The following PTPRD variants were observed in gnomAD, a reference collection of about 807,000 sequenced individuals.
The protein encoded by PTPRD is protein tyrosine phosphatase receptor type D.
PTPRD carries 34 observed loss-of-function variants against 214.5 expected under a neutral mutation model. The observed-to-expected ratio is 0.16, with a 90% CI of 0.12 to 0.21. The LOEUF is 0.21. Among genes scored for constraint, PTPRD ranks in the 10% least tolerant of loss-of-function variants. The pLI, the probability that PTPRD is intolerant of heterozygous loss-of-function variation, is 1.00. For missense variants in PTPRD, 2,545 were observed against 2,398.7 expected, an observed-to-expected ratio of 1.06 and a Z score of -1.27; for synonymous variants, 1,128 against 845.7, an observed-to-expected ratio of 1.33 and a Z score of -5.79.
intron 4 of PTPRD, among the ~76,000 whole-genome samples, chr9:9,961,685 A>C (rs568718644): frequency 6.6e-6 from 1 of 152,296 alleles, no homozygotes; most frequent in Non-Finnish European, 1.5e-5. Flanking sequence ...CACTGAGTGC[A>C]ATTCCATGCC....
chr9:9,922,572 C>T (rs2082868055), intron 5 of PTPRD, among the ~76,000 whole-genome samples: 1 of 151,908 alleles, frequency 6.6e-6, no homozygotes, highest in East Asian at 1.9e-4. Flanking sequence ...GAGATAATGT[C>T]TATAATCAAA....
chr9:9,192,224 T>TA (rs372013080), intron 9 of PTPRD, among the ~76,000 whole-genome samples: 123 of 148,168 alleles, frequency 8.3e-4, no homozygotes, highest in Middle Eastern at 7.0e-3. Flanking sequence ...ATAGCAAAGA[T>TA]AAAAAAAAAG....
At position 9,947,414 on chromosome 9, in the gene PTPRD, TTA is replaced by T. The variant is rs560527848; in HGVS notation, c.-471-8806_-471-8805del. Among the ~76,000 whole-genome samples, 20 of 39,852 alleles carry T rather than the reference TTA, an allele frequency of 5.0e-4. No homozygotes were observed. In the East Asian group the frequency reaches 0.025, roughly 50 times the overall value. The allele number at this position is 39,852 out of a possible 152,430, so 26.1% of individuals were successfully genotyped here. A position where few individuals can be genotyped will look rare whatever the true frequency, so the allele number is the denominator to read the frequency against. Reference sequence around the variant, plus strand: ...ATACATATTATATATAATATATATTTTATATATATATTATATATATATTATAT... The same window carrying T: ...ATACATATTATATATAATATATATTTTATATATATTATATATATATTATAT... On this transcript the variant is annotated intron_variant, in intron 4 of 45. Coordinates refer to ENST00000381196, the MANE Select transcript of PTPRD (RefSeq NM_002839.4).
intron 7 of PTPRD, among the ~76,000 whole-genome samples, chr9:9,601,134 TG>T (rs2093720124): frequency 8.2e-6 from 1 of 121,344 alleles, no homozygotes; most frequent in African/African-American, 3.8e-5. Context: ...TGTGTGTGTG[TG>T]TGTGTGTGTG....
At chr9:9,978,187 A>G (rs569953957) in intron 4 of PTPRD, among the ~76,000 whole-genome samples, 2 of 152,160 alleles carry the variant, frequency 1.3e-5, no homozygotes, top group African/African-American at 4.8e-5. Flanking sequence ...CCAACAAAAA[A>G]GAGTGAAAAG....
intron 2 of PTPRD, among the ~76,000 whole-genome samples, chr9:10,445,524 A>G (rs144220464): frequency 6.6e-6 from 1 of 152,284 alleles, no homozygotes; most frequent in East Asian, 1.9e-4. Context: ...TTTGAGAAAT[A>G]TATAGAAGAT....
chr9:8,352,788 G>C (rs754794979), intron 39 of PTPRD, among the ~76,000 whole-genome samples: 69 of 152,282 alleles, frequency 4.5e-4, no homozygotes, highest in Middle Eastern at 3.4e-3. Context: ...GTACACAAAT[G>C]CCAGGAGTTT....
Position 9,545,350 on chromosome 9 carries a change from G to A in PTPRD, c.-237+29382C>T, listed in dbSNP as rs111413737. Among the ~76,000 whole-genome samples the A allele has an allele frequency of 3.4e-3, 512 of 151,788 alleles. 5 individuals carry two copies. The highest frequency in any genetic ancestry group is 4.5e-3 in the Non-Finnish European group (308 of 67,792). On this transcript the variant is annotated intron_variant, in intron 8 of 45. Coordinates refer to ENST00000381196, the MANE Select transcript of PTPRD (RefSeq NM_002839.4). ...CCTGACAACTACTGATATTTTTAAT[G>A]TCTCCACAGTTTCGTCTTTTCTAGA... is the stretch of plus-strand genomic sequence containing the variant.
At chr9:8,435,243 C>T (rs1279787338) in intron 35 of PTPRD, among the ~76,000 whole-genome samples, 1 of 152,112 alleles carries the variant, frequency 6.6e-6, no homozygotes, top group Admixed American at 6.5e-5. Flanking sequence ...ATGCCACAGG[C>T]CTCACTGCTC....
intron 9 of PTPRD, among the ~76,000 whole-genome samples, chr9:9,348,479 T>C (rs77948918): frequency 0.11 from 16,243 of 152,142 alleles, 1,143 homozygotes; most frequent in Middle Eastern, 0.16. Context: ...AATAAAGGAC[T>C]TGGTGATTGA....
chr9:9,648,217 C>T (rs2096246558), intron 7 of PTPRD, among the ~76,000 whole-genome samples: 1 of 150,758 alleles, frequency 6.6e-6, no homozygotes, highest in Admixed American at 6.6e-5. Flanking sequence ...CTTATATAGC[C>T]TATTAAAAAA....
intron 18 of PTPRD, 47 bp downstream of exon 18, chr9:8,524,878 C>T: frequency 6.5e-7 from 1 of 1,530,300 alleles, no homozygotes; most frequent in Non-Finnish European, 9.1e-7. Flanking sequence ...TCTCAACTCC[C>T]CCTGAGCCTG....
At chr9:9,494,920 A>G (rs1276788749) in intron 8 of PTPRD, among the ~76,000 whole-genome samples, 1 of 152,210 alleles carries the variant, frequency 6.6e-6, no homozygotes, top group Non-Finnish European at 1.5e-5. Context: ...AACATACTGC[A>G]AAGCTATAGT....
intron 10 of PTPRD, among the ~76,000 whole-genome samples, chr9:9,127,381 T>C (rs940643452): frequency 1.3e-5 from 2 of 152,166 alleles, no homozygotes; most frequent in African/African-American, 4.8e-5. Flanking sequence ...TGAGAGATAA[T>C]GGTAGTATGA....
intron 12 of PTPRD, among the ~76,000 whole-genome samples, chr9:8,716,777 G>A (rs755885246): frequency 6.6e-6 from 1 of 152,150 alleles, no homozygotes; most frequent in African/African-American, 2.4e-5. Context: ...CAGTTGAACT[G>A]GCCTACCTCA....
intron 9 of PTPRD, among the ~76,000 whole-genome samples, chr9:9,371,073 CTTTTT>C: frequency 7.2e-6 from 1 of 138,788 alleles, no homozygotes; most frequent in South Asian, 2.2e-4. Flanking sequence ...CTAAAATTCT[CTTTTT>C]TTGTTTTTTT....
At chr9:9,579,625 C>T (rs2090117041) in intron 7 of PTPRD, among the ~76,000 whole-genome samples, 1 of 152,026 alleles carries the variant, frequency 6.6e-6, no homozygotes, top group Non-Finnish European at 1.5e-5. Flanking sequence ...AAGTGTTGTT[C>T]CCCTCCCTGT....
intron 39 of PTPRD, among the ~76,000 whole-genome samples, chr9:8,370,766 C>T (rs971969139): frequency 1.3e-5 from 2 of 152,008 alleles, no homozygotes; most frequent in Non-Finnish European, 2.9e-5. Flanking sequence ...GAGCTAAAAA[C>T]CATCATGGGA....
intron 39 of PTPRD, among the ~76,000 whole-genome samples, chr9:8,359,257 A>C (rs200944923): frequency 4.6e-5 from 7 of 151,736 alleles, no homozygotes; most frequent in African/African-American, 1.7e-4. Context: ...TAGAAATGCA[A>C]TTTTTCAGGC....
Sources: gnomAD v4.1 joint callset for allele counts (sites outside exome capture counted in the v4.1 genomes callset) on GRCh38, gnomAD v4.1.1 for gene constraint, MANE v1.5 for transcripts, NCBI Gene and HGNC (gene_info 2026-07-23, HGNC 2026-07-21) for gene names.